The following DNAH7 variants were observed in gnomAD, a reference collection of about 807,000 sequenced individuals.
The protein encoded by DNAH7 is dynein axonemal heavy chain 7, also known as axonemal beta dynein heavy chain 7.
A neutral mutation model predicts 444.6 loss-of-function variants in DNAH7; 397 were observed. That is an observed-to-expected ratio of 0.89 (90% CI 0.82 to 0.97). DNAH7 has a LOEUF of 0.97. Ranked by LOEUF, DNAH7 falls within the 50% of genes least tolerant of loss-of-function variation. DNAH7 has a pLI of 0.00. For synonymous variants in DNAH7, 1,636 were observed against 1,624.4 expected, an observed-to-expected ratio of 1.01 and a Z score of -0.17; for missense variants, 4,902 against 4,800.8, an observed-to-expected ratio of 1.02 and a Z score of -0.62.
rs759816585 is a variant in DNAH7 at position 195,919,236 on chromosome 2, T to TAAA, written c.3935+2849_3935+2851dup. 2.4e-3 allele frequency among the ~76,000 whole-genome samples: 329 copies of TAAA among 139,630 alleles called. 5 individuals are homozygous for TAAA. The highest frequency in any genetic ancestry group is 7.7e-3 in the African/African-American group (296 of 38,414). 91.6% of individuals were successfully genotyped at this position (139,630 alleles called of 152,430 possible). On this transcript the variant is annotated intron_variant, in intron 24 of 64. Transcript: ENST00000312428. ...CCTGGAGACAGAGCAAGACTTTGTT[T>TAAA]AAAAAAAAAAAAAAAAGATGTTAAT...
chr2:195,827,970 T>TA lies in DNAH7; in HGVS notation c.9101-3526dup, dbSNP rs201686235. 5.4e-3 allele frequency among the ~76,000 whole-genome samples: 823 copies of TA among 152,282 alleles called. 7 individuals are homozygous for TA. The highest frequency in any genetic ancestry group is 0.019 in the African/African-American group (785 of 41,550). ...GGCTTTCTCAAAATAAAGAGAATAG[T>TA]ATATAATTGGTACTTGATATAACTA... On this transcript the variant is annotated intron_variant, in intron 48 of 64. Transcript: ENST00000312428.
intron 57 of DNAH7, among the ~76,000 whole-genome samples, chr2:195,793,037 C>T (rs1422792717): frequency 1.3e-5 from 2 of 152,102 alleles, no homozygotes; most frequent in Non-Finnish European, 2.9e-5. Flanking sequence ...TCCAGCGATC[C>T]TCCCTCCTCA....
rs562575783 is a variant in DNAH7 at position 195,927,537 on chromosome 2, T to A, written c.3472-971A>T. On this transcript the variant is annotated intron_variant, in intron 21 of 64. Transcript: ENST00000312428. ...TAAATAAATAAATAAATTAATTAAT[T>A]AATTAAAAAAATAGGCGTAGCAGAG... is the stretch of plus-strand genomic sequence containing the variant. Among the ~76,000 whole-genome samples the A allele has an allele frequency of 1.4e-3, 215 of 151,632 alleles. 1 individual carries two copies. Among genetic ancestry groups the A allele is most frequent in the African/African-American group, 4.7e-3 (196 of 41,372 alleles).
At chr2:195,773,678 C>G in intron 60 of DNAH7, among the ~76,000 whole-genome samples, 1 of 152,094 alleles carries the variant, frequency 6.6e-6, no homozygotes. Context: ...CTGGAATCTT[C>G]TAAGGGTTAT....
chr2:196,035,056 C>G (rs1181427036), intron 5 of DNAH7, among the ~76,000 whole-genome samples: 1 of 152,062 alleles, frequency 6.6e-6, no homozygotes, highest in African/African-American at 2.4e-5. Context: ...GTGGTGCACA[C>G]CTGTAATCCC....
At chr2:195,887,236 A>G (rs1421130923) in intron 33 of DNAH7, among the ~76,000 whole-genome samples, 2 of 151,876 alleles carry the variant, frequency 1.3e-5, no homozygotes, top group African/African-American at 4.9e-5. Flanking sequence ...TATTATTTGT[A>G]TTATCTAAAT....
Position 195,960,957 on chromosome 2 carries a change from A to G in DNAH7, c.2206-12T>C. ...TTAAACTGCTCAATCTGAAAGGATAAGTATTGAATATATTAGTTATTTTGA... is the reference window on the plus strand; with the variant it reads ...TTAAACTGCTCAATCTGAAAGGATAGGTATTGAATATATTAGTTATTTTGA... On this transcript the variant is annotated splice_polypyrimidine_tract_variant and intron_variant, in intron 17 of 64. Transcript: ENST00000312428. The G allele has an allele frequency of 6.5e-7, 1 of 1,527,776 alleles. No individual in the cohort carries two copies. The highest frequency in any genetic ancestry group is 8.8e-7 in the Non-Finnish European group (1 of 1,137,886). The allele number at this position is 1,527,776 out of a possible 1,614,324, so 94.6% of individuals were successfully genotyped here. A position where few individuals can be genotyped will look rare whatever the true frequency, so the allele number is the denominator to read the frequency against.
At position 196,046,347 on chromosome 2, in the gene DNAH7, C is replaced by T. The variant is rs751329106; in HGVS notation, c.398+1005G>A. Among the ~76,000 whole-genome samples the T allele has an allele frequency of 1.1e-3, 174 of 152,130 alleles. 4 individuals carry two copies. Among genetic ancestry groups the T allele is most frequent in the Middle Eastern group, 3.4e-3 (1 of 294 alleles). On this transcript the variant is annotated intron_variant, in intron 5 of 64. Transcript: ENST00000312428. ...AAGCTGAAACAAGATCTGCCCTACC[C>T]TCAAATAAGGGAAGACTAAAAATAA...
intron 14 of DNAH7, 129 bp downstream of exon 14, chr2:195,986,937 A>G: frequency 2.4e-6 from 2 of 845,564 alleles, no homozygotes; most frequent in Non-Finnish European, 3.4e-6. Flanking sequence ...AAGCAGAAAT[A>G]AGTTTAGCAT....
intron 15 of DNAH7, among the ~76,000 whole-genome samples, chr2:195,978,112 G>C (rs1692322098): frequency 6.6e-6 from 1 of 152,048 alleles, no homozygotes; most frequent in African/African-American, 2.4e-5. Flanking sequence ...TTATAACACT[G>C]TAATTGTGGT....
At chr2:195,930,400 C>T (rs1275328725) in intron 21 of DNAH7, among the ~76,000 whole-genome samples, 1 of 152,086 alleles carries the variant, frequency 6.6e-6, no homozygotes, top group East Asian at 1.9e-4. Flanking sequence ...AGAAGACATA[C>T]TAGTGACCAA....
intron 19 of DNAH7, among the ~76,000 whole-genome samples, chr2:195,947,883 T>C (rs990943591): frequency 1.3e-5 from 2 of 152,202 alleles, no homozygotes; most frequent in South Asian, 2.1e-4. Flanking sequence ...TCTTCCACAA[T>C]GGTTGAACTA....
Position 195,806,768 on chromosome 2 carries a change from A to G in DNAH7, c.10148T>C (p.Leu3383Pro). ...GTCTGGCCTCAAGCAACGAATAATA[A>G]GCATCCTTTGAAACTCATTTGCTTT... is the stretch of plus-strand genomic sequence containing the variant. ...EDKANEFQRM[L>P]IIRCLRPDKV... is the part of the protein sequence containing the mutation. The change falls in exon 54 of 65, where the codon CTT becomes CCT. Residue 3383 changes from leucine to proline, a missense_variant. Leu to Pro is a moderately conservative substitution (Grantham distance 98). Transcript: ENST00000312428. 1 of 1,613,740 alleles carries G rather than the reference A, an allele frequency of 6.2e-7. No homozygotes were observed.
rs1360565564 is a variant in DNAH7, at chr2:195,934,681, G to A, written c.3381C>T (p.Leu1127=). Residue 1127 remains leucine, a synonymous_variant, in exon 21 of 65, where the codon CTC becomes CTT. Coordinates refer to ENST00000312428, the MANE Select transcript of DNAH7 (RefSeq NM_018897.3). ...MKSSEGEVVE[L]IEIISTAKAR... ...CTTTGGCTGTTGAAATAATCTCTAT[G>A]AGTTCTACAACCTCTCCTTCGCTGC... is the stretch of plus-strand genomic sequence containing the variant. 1 of 1,614,034 alleles carries A rather than the reference G, an allele frequency of 6.2e-7. No homozygotes were observed. The highest frequency in any genetic ancestry group is 8.5e-7 in the Non-Finnish European group (1 of 1,179,974).
chr2:195,779,288 T>A (rs1300543768), intron 58 of DNAH7, among the ~76,000 whole-genome samples: 4 of 152,240 alleles, frequency 2.6e-5, no homozygotes, highest in Non-Finnish European at 2.9e-5. Context: ...TGAATCATGT[T>A]CATTAAATAT....
At chr2:195,918,147 C>CA (rs1355833279) in intron 24 of DNAH7, among the ~76,000 whole-genome samples, 1 of 152,124 alleles carries the variant, frequency 6.6e-6, no homozygotes, top group African/African-American at 2.4e-5. Flanking sequence ...AACACCTCAC[C>CA]AAAAGAGGTA....
intron 63 of DNAH7, among the ~76,000 whole-genome samples, chr2:195,747,214 C>T (rs1407984754): frequency 4.6e-5 from 7 of 152,046 alleles, no homozygotes; most frequent in Admixed American, 3.3e-4. Flanking sequence ...GAGAATACTA[C>T]AAACACCTCT....
chr2:196,037,806 T>C (rs945170760), intron 5 of DNAH7, among the ~76,000 whole-genome samples: 4 of 152,116 alleles, frequency 2.6e-5, no homozygotes, highest in African/African-American at 4.8e-5. Context: ...GGGAAAAGCA[T>C]AGAAAATTAA....
At chr2:196,005,303 C>CAAA (rs969143318) in intron 10 of DNAH7, among the ~76,000 whole-genome samples, 1 of 140,756 alleles carries the variant, frequency 7.1e-6, no homozygotes, top group African/African-American at 2.9e-5. Context: ...AACAAACAAA[C>CAAA]AAAAATATAT....
Sources: gnomAD v4.1 joint callset for allele counts (sites outside exome capture counted in the v4.1 genomes callset) on GRCh38, gnomAD v4.1.1 for gene constraint, MANE v1.5 for transcripts, NCBI Gene and HGNC (gene_info 2026-07-23, HGNC 2026-07-21) for gene names.